Variants in EPHA7 observed in about 807,000 individuals in gnomAD.
EPHA7 encodes EPH receptor A7.
EPHA7 carries 25 observed loss-of-function variants against 112.6 expected under a neutral mutation model. The observed-to-expected ratio is 0.22, with a 90% CI of 0.16 to 0.31. EPHA7 has a LOEUF of 0.31. Among genes scored for constraint, EPHA7 ranks in the 10% least tolerant of loss-of-function variants. The pLI is 1.00. For missense variants in EPHA7, 962 were observed against 1,212.6 expected, an observed-to-expected ratio of 0.79 and a Z score of 3.07; for synonymous variants, 437 against 406.5, an observed-to-expected ratio of 1.07 and a Z score of -0.90.
intron 5 of EPHA7, among the ~76,000 whole-genome samples, chr6:93,345,967 C>T (rs1396670170): frequency 6.6e-6 from 1 of 151,590 alleles, no homozygotes; most frequent in African/African-American, 2.4e-5. Flanking sequence ...CCTCTGAACT[C>T]ATGTAGTGAA....
At chr6:93,294,198 G>T (rs1172055450) in intron 5 of EPHA7, among the ~76,000 whole-genome samples, 1 of 152,186 alleles carries the variant, frequency 6.6e-6, no homozygotes, top group Non-Finnish European at 1.5e-5. Flanking sequence ...TATGGAAAAA[G>T]TCTTAATACA....
At chr6:93,258,313 T>A in intron 10 of EPHA7, 29 bp from the exon 11 acceptor site, 1 of 1,515,242 alleles carries the variant, frequency 6.6e-7, no homozygotes, top group Non-Finnish European at 8.8e-7. Flanking sequence ...CAGGCATATT[T>A]TAGTTTCTAA....
In EPHA7 at chr6:93,316,473, T is replaced by C. The variant is rs142946698; in HGVS notation, c.1324+40244A>G. On this transcript the variant is annotated intron_variant, in intron 5 of 16. Transcript: ENST00000369303. ...GACTTTGAAAGCTACTGTTCTAACA[T>C]TGCTTGTATTATATTACATACTGCA... 3.3e-4 allele frequency among the ~76,000 whole-genome samples: 51 copies of C among 152,240 alleles called. 1 individual carries two copies. The highest frequency in any genetic ancestry group is 1.2e-3 in the African/African-American group (50 of 41,574).
intron 5 of EPHA7, among the ~76,000 whole-genome samples, chr6:93,324,658 T>G (rs1054549313): frequency 6.6e-6 from 1 of 151,404 alleles, no homozygotes; most frequent in Non-Finnish European, 1.5e-5. Context: ...CTACAGCAAG[T>G]AGGGGAATTC....
Position 93,245,510 on chromosome 6 carries a change from GT to G in EPHA7, c.2727-58del, listed in dbSNP as rs1350701229. On this transcript the variant is annotated intron_variant, in intron 15 of 16. Transcript: ENST00000369303. ...TATCCTGAAATACCAAAGAAAGAAT[GT>G]TTTGGCCCATATAAAATTAAGGTAT... 1.9e-6 allele frequency: 3 copies of G among 1,550,024 alleles called. No homozygotes were observed. The African/African-American group carries it at 4.2e-5, about 21-fold the overall frequency.
chr6:93,359,854 TAGAGAG>T (rs57690732), intron 3 of EPHA7, among the ~76,000 whole-genome samples: 4,970 of 125,238 alleles, frequency 0.04, 117 homozygotes, highest in African/African-American at 0.056. Flanking sequence ...CAATAGATGA[TAGAGAG>T]AGAGAGAGAG....
At chr6:93,386,785 A>G (rs1168403564) in intron 3 of EPHA7, among the ~76,000 whole-genome samples, 1 of 152,064 alleles carries the variant, frequency 6.6e-6, no homozygotes, top group Admixed American at 6.6e-5. Context: ...CAGGACCAAC[A>G]CCACATGGAA....
At chr6:93,368,943 G>C (rs573032366) in intron 3 of EPHA7, among the ~76,000 whole-genome samples, 22 of 152,118 alleles carry the variant, frequency 1.4e-4, no homozygotes, top group African/African-American at 5.3e-4. Context: ...AATCATTTCT[G>C]TTATGTCAGT....
intron 5 of EPHA7, among the ~76,000 whole-genome samples, chr6:93,342,363 T>C (rs1775182578): frequency 6.6e-6 from 1 of 151,746 alleles, no homozygotes; most frequent in Admixed American, 6.6e-5. Flanking sequence ...ATTAGGACCA[T>C]AGTTACAAAC....
chr6:93,250,438 T>C (rs1259048910), intron 14 of EPHA7, among the ~76,000 whole-genome samples: 1 of 152,090 alleles, frequency 6.6e-6, no homozygotes, highest in African/African-American at 2.4e-5. Context: ...AAAACCTTAT[T>C]AGGTTTAAGT....
chr6:93,303,998 G>A (rs1047225084), intron 5 of EPHA7, among the ~76,000 whole-genome samples: 2 of 151,992 alleles, frequency 1.3e-5, no homozygotes, highest in East Asian at 3.9e-4. Flanking sequence ...ATAGGAGAAA[G>A]GTGCTTTTGC....
intron 5 of EPHA7, among the ~76,000 whole-genome samples, chr6:93,288,822 T>C (rs893271469): frequency 3.3e-5 from 5 of 152,206 alleles, no homozygotes; most frequent in Admixed American, 1.3e-4. Context: ...CCATCTCTTA[T>C]GTGTTCTAGT....
intron 5 of EPHA7, among the ~76,000 whole-genome samples, chr6:93,325,535 C>T (rs1337662420): frequency 2.0e-5 from 3 of 151,224 alleles, no homozygotes; most frequent in Non-Finnish European, 3.0e-5. Flanking sequence ...TACTCCACTC[C>T]TTCCCACCTT....
chr6:93,410,523 C>T lies in EPHA7; in HGVS notation c.810G>A (p.Gln270=), dbSNP rs770871351. 6.2e-7 allele frequency: 1 copy of T among 1,611,064 alleles called. No individual in the cohort carries two copies. Among genetic ancestry groups the T allele is most frequent in the Non-Finnish European group, 8.5e-7 (1 of 1,178,858 alleles). Residue 270 remains glutamine (Q), a synonymous_variant, in exon 3 of 17, where the codon CAG becomes CAA. Coordinates refer to ENST00000369303, the MANE Select transcript of EPHA7 (RefSeq NM_004440.4). This position sits in a 1 kb window ranked among gnomAD's most constrained non-coding sequence, Gnocchi z 4.0. ...IGKCICKAGY[Q]QKGDTCEPCG... ...TACGTTCACAAGTGTCTCCTTTTTG[C>T]TGGTAGCCTGCTTTGCAGATACATT...
intron 3 of EPHA7, among the ~76,000 whole-genome samples, chr6:93,397,045 G>C (rs1778213205): frequency 6.6e-6 from 1 of 151,296 alleles, no homozygotes. Flanking sequence ...TCAAATTATA[G>C]TTGAAAATAA....
intron 3 of EPHA7, among the ~76,000 whole-genome samples, chr6:93,359,876 GATAGAT>G (rs1390881197): frequency 1.3e-3 from 142 of 108,558 alleles, no homozygotes; most frequent in African/African-American, 3.2e-3. Flanking sequence ...GAGAGAGAGA[GATAGAT>G]AGATAGATAG....
intron 5 of EPHA7, among the ~76,000 whole-genome samples, chr6:93,282,477 A>G (rs1178092680): frequency 1.3e-5 from 2 of 152,260 alleles, no homozygotes; most frequent in African/African-American, 4.8e-5. Flanking sequence ...GAGAGGTGAC[A>G]GCATGCTGGC....
At chr6:93,341,084 C>T (rs1775115489) in intron 5 of EPHA7, among the ~76,000 whole-genome samples, 1 of 151,834 alleles carries the variant, frequency 6.6e-6, no homozygotes, top group African/African-American at 2.4e-5. Flanking sequence ...AGCATTATAA[C>T]CTATTTAGTC....
chr6:93,388,249 C>T (rs182794790), intron 3 of EPHA7, among the ~76,000 whole-genome samples: 69 of 152,226 alleles, frequency 4.5e-4, no homozygotes, highest in South Asian at 6.2e-4. Flanking sequence ...AATGACATTT[C>T]ACCATAAGGA....
Sources: allele counts gnomAD v4.1 joint callset (sites outside exome capture counted in the v4.1 genomes callset), GRCh38; gene constraint gnomAD v4.1.1; non-coding constraint Gnocchi (gnomAD v3.1); transcripts MANE v1.5; gene names NCBI Gene and HGNC (gene_info 2026-07-23, HGNC 2026-07-21).